The following DYNC1I1 variants were observed in gnomAD, a reference collection of about 807,000 sequenced individuals.
DYNC1I1 encodes the protein dynein cytoplasmic 1 intermediate chain 1.
Under a neutral mutation model 86.6 loss-of-function variants are expected in DYNC1I1, and 43 were observed. The ratio of observed to expected loss-of-function variants is 0.50; its 90% confidence interval spans 0.39 to 0.64. The LOEUF (loss-of-function observed/expected upper bound fraction) is 0.64. Ranked by LOEUF, DYNC1I1 falls within the 30% of genes least tolerant of loss-of-function variation. The pLI, the probability that DYNC1I1 is intolerant of heterozygous loss-of-function variation, is 0.00. For missense variants in DYNC1I1, 604 were observed against 788.8 expected (o/e 0.77, Z 2.81); for synonymous variants, 262 against 283.7 (o/e 0.92, Z 0.77).
chr7:95,917,741 G>T (rs917141063), intron 6 of DYNC1I1, among the ~76,000 whole-genome samples: 4 of 152,224 alleles, frequency 2.6e-5, no homozygotes, highest in African/African-American at 9.6e-5. Flanking sequence ...GCTTCATGTG[G>T]TTTTTCTTCA....
chr7:95,869,437 A>G (rs1790101998), intron 5 of DYNC1I1, among the ~76,000 whole-genome samples: 1 of 151,972 alleles, frequency 6.6e-6, no homozygotes. Context: ...CCTCACTGCT[A>G]TGATAGAGAA....
intron 6 of DYNC1I1, among the ~76,000 whole-genome samples, chr7:95,918,811 C>T (rs1562943739): frequency 1.3e-5 from 2 of 152,156 alleles, no homozygotes; most frequent in Admixed American, 6.5e-5. Context: ...GTTTACCATG[C>T]CCCCCATTAT....
chr7:95,844,616 G>T (rs1789377429), intron 5 of DYNC1I1, among the ~76,000 whole-genome samples: 1 of 152,014 alleles, frequency 6.6e-6, no homozygotes, highest in Non-Finnish European at 1.5e-5. Flanking sequence ...AGAGGAATGG[G>T]TTCTTTTGAT....
At position 95,893,110 on chromosome 7, in the gene DYNC1I1, G is replaced by T. The variant is rs148124363; in HGVS notation, c.490+23112G>T. ...AAGGGAGGGTTAAAAATAGCTTCCT[G>T]GTTTCAGCTACCAAACACAAGCATG... On this transcript the variant is annotated intron_variant, in intron 6 of 16. Transcript: ENST00000447467. Among the ~76,000 whole-genome samples, 57 of 152,216 alleles carry T rather than the reference G, an allele frequency of 3.7e-4. No individual in the cohort carries two copies. In the East Asian group the frequency reaches 9.3e-3, roughly 25 times the overall value.
In DYNC1I1 at chr7:95,936,029, T is replaced by C. The variant is rs1227254635; in HGVS notation, c.491-41483T>C. Among the ~76,000 whole-genome samples, 4 of 152,012 alleles carry C rather than the reference T, an allele frequency of 2.6e-5. 1 individual carries two copies. On this transcript the variant is annotated intron_variant, in intron 6 of 16. Transcript: ENST00000447467. ...TACAGTAACACAGATAATTTCTTTC[T>C]TTCCATTAAAGGAGCTAGTCAGATG... is the stretch of plus-strand genomic sequence containing the variant.
chr7:96,035,498 G>A, intron 12 of DYNC1I1, 121 bp from the exon 13 acceptor site: 1 of 1,311,314 alleles, frequency 7.6e-7, no homozygotes, highest in Non-Finnish European at 1.0e-6. Context: ...GGCACAGCCG[G>A]GGTCTTTTGT....
intron 16 of DYNC1I1, among the ~76,000 whole-genome samples, chr7:96,086,728 A>C (rs868637384): frequency 2.6e-5 from 4 of 152,366 alleles, no homozygotes; most frequent in Middle Eastern, 3.4e-3. Flanking sequence ...GGTTAACATG[A>C]GAGATCAAAT....
intron 1 of DYNC1I1, among the ~76,000 whole-genome samples, chr7:95,803,325 GT>G (rs1019395686): frequency 0.011 from 1,620 of 152,290 alleles, 21 homozygotes; most frequent in African/African-American, 0.037. Context: ...AGAGAATCTG[GT>G]TTTGCTTATC....
intron 10 of DYNC1I1, among the ~76,000 whole-genome samples, chr7:96,013,287 G>T (rs114473727): frequency 2.0e-5 from 3 of 152,036 alleles, no homozygotes; most frequent in Admixed American, 1.3e-4. Context: ...AATGAGGGTG[G>T]CCTCTAGAAG....
chr7:95,865,692 TACTC>T (rs1478693822), intron 5 of DYNC1I1, among the ~76,000 whole-genome samples: 1 of 152,168 alleles, frequency 6.6e-6, no homozygotes, highest in Non-Finnish European at 1.5e-5. Context: ...GATACACAAA[TACTC>T]AACCATTGTG....
At chr7:95,964,972 C>A (rs1275634366) in intron 6 of DYNC1I1, among the ~76,000 whole-genome samples, 1 of 152,136 alleles carries the variant, frequency 6.6e-6, no homozygotes, top group African/African-American at 2.4e-5. Flanking sequence ...GTAGAGTCAG[C>A]AAACCAAAGA....
intron 6 of DYNC1I1, among the ~76,000 whole-genome samples, chr7:95,968,193 A>T (rs1793066994): frequency 1.3e-5 from 2 of 152,136 alleles, no homozygotes; most frequent in African/African-American, 4.8e-5. Context: ...AACCGAAAAA[A>T]AAAAAGGAGG....
intron 2 of DYNC1I1, among the ~76,000 whole-genome samples, chr7:95,808,452 C>T (rs1405047053): frequency 1.3e-5 from 2 of 152,066 alleles, no homozygotes; most frequent in African/African-American, 4.8e-5. Context: ...CAACTGCTTT[C>T]TTGGCTGTGA....
At chr7:95,782,976 G>A (rs956378141) in intron 1 of DYNC1I1, among the ~76,000 whole-genome samples, 4 of 152,178 alleles carry the variant, frequency 2.6e-5, no homozygotes, top group African/African-American at 7.2e-5. Flanking sequence ...TTCTGCTCAT[G>A]GAGCCTGAGG....
chr7:95,858,261 T>G (rs866000712), intron 5 of DYNC1I1, among the ~76,000 whole-genome samples: 2 of 152,182 alleles, frequency 1.3e-5, no homozygotes, highest in Non-Finnish European at 2.9e-5. Flanking sequence ...GGCCTCTTAC[T>G]GGTAACATTA....
At chr7:96,004,510 GTGTTA>G (rs1235262533) in intron 10 of DYNC1I1, among the ~76,000 whole-genome samples, 2 of 151,892 alleles carry the variant, frequency 1.3e-5, no homozygotes, top group South Asian at 2.1e-4. Flanking sequence ...ACTTTGTCTA[GTGTTA>G]TGTTGAGTAG....
chr7:95,786,180 C>G (rs1251601888), intron 1 of DYNC1I1, among the ~76,000 whole-genome samples: 9 of 152,114 alleles, frequency 5.9e-5, no homozygotes, highest in Middle Eastern at 6.8e-3. Context: ...GAGTGTGGCA[C>G]CAAACATTCC....
intron 6 of DYNC1I1, among the ~76,000 whole-genome samples, chr7:95,916,089 T>C (rs997393697): frequency 3.3e-5 from 5 of 152,232 alleles, no homozygotes; most frequent in African/African-American, 1.2e-4. Context: ...TACCATTCTG[T>C]CTGAACTGCT....
chr7:95,883,621 G>A (rs557338430), intron 6 of DYNC1I1, among the ~76,000 whole-genome samples: 1 of 152,314 alleles, frequency 6.6e-6, no homozygotes, highest in South Asian at 2.1e-4. Flanking sequence ...TGTTAAATAT[G>A]TTTGTTGAAG....
Sources: gnomAD v4.1 joint callset for allele counts (sites outside exome capture counted in the v4.1 genomes callset) on GRCh38, gnomAD v4.1.1 for gene constraint, MANE v1.5 for transcripts, NCBI Gene and HGNC (gene_info 2026-07-23, HGNC 2026-07-21) for gene names.